RABEP1: variants seen among roughly 807,000 people sequenced by gnomAD.
RABEP1 encodes the protein rabaptin, RAB GTPase binding effector protein 1.
A neutral mutation model predicts 123.4 loss-of-function variants in RABEP1; 51 were observed. That is an observed-to-expected ratio of 0.41 (90% CI 0.33 to 0.52). The LOEUF is 0.52. Among genes scored for constraint, RABEP1 ranks in the 20% least tolerant of loss-of-function variants. RABEP1 has a pLI of 0.16. For missense variants in RABEP1, 888 were observed against 996.3 expected, an observed-to-expected ratio of 0.89 and a Z score of 1.46; for synonymous variants, 347 against 355.2, an observed-to-expected ratio of 0.98 and a Z score of 0.26.
intron 13 of RABEP1, among the ~76,000 whole-genome samples, chr17:5,373,728 A>G (rs984112484): frequency 1.3e-5 from 2 of 148,670 alleles, no homozygotes; most frequent in African/African-American, 5.1e-5. Flanking sequence ...ACACACACAC[A>G]CACACACACG....
At chr17:5,373,978 G>C (rs1325411488) in intron 13 of RABEP1, among the ~76,000 whole-genome samples, 1 of 151,946 alleles carries the variant, frequency 6.6e-6, no homozygotes, top group South Asian at 2.1e-4. Context: ...TGTTTGAAGG[G>C]GTTACCATGC....
Position 5,286,369 on chromosome 17 carries a change from C to T in RABEP1, c.34+3849C>T, listed in dbSNP as rs571211931. ...GTTAGCCGGGTGTGGTGGTGCGCAC[C>T]TGTAGTCCCAGCTACTCAGGAGGCT... On this transcript the variant is annotated intron_variant, in intron 1 of 17. Transcript: ENST00000537505. Among the ~76,000 whole-genome samples, 3 of 152,106 alleles carry T rather than the reference C, an allele frequency of 2.0e-5. No homozygotes were observed. In the East Asian group the frequency reaches 5.8e-4, roughly 29 times the overall value.
intron 17 of RABEP1, among the ~76,000 whole-genome samples, chr17:5,382,229 A>T (rs962120857): frequency 6.6e-6 from 1 of 151,344 alleles, no homozygotes; most frequent in Admixed American, 6.6e-5. Context: ...TTACAAGTAC[A>T]CACCACCAAG....
chr17:5,335,392 A>G (rs1269303403), intron 4 of RABEP1, 48 bp downstream of exon 4: 1 of 1,475,056 alleles, frequency 6.8e-7, no homozygotes, highest in African/African-American at 1.4e-5. Flanking sequence ...TTCAAATGCA[A>G]AATGCTTTAA....
At position 5,302,072 on chromosome 17, in the gene RABEP1, G is replaced by T. The variant is rs182607864; in HGVS notation, c.35-6622G>T. 3.9e-3 allele frequency among the ~76,000 whole-genome samples: 600 copies of T among 152,166 alleles called. 2 individuals are homozygous for T. The highest frequency in any genetic ancestry group is 6.0e-3 in the Non-Finnish European group (405 of 68,014). ...TTATGTGGAACTTTGACTAAGTTTA[G>T]TTTGAAGGGTGAGCAACTTGGATAA... On this transcript the variant is annotated intron_variant, in intron 1 of 17. Transcript: ENST00000537505.
At chr17:5,290,368 G>A (rs1370332984) in intron 1 of RABEP1, among the ~76,000 whole-genome samples, 1 of 152,174 alleles carries the variant, frequency 6.6e-6, no homozygotes, top group African/African-American at 2.4e-5. Context: ...GATTACAGGC[G>A]TGAGCCACCG....
chr17:5,316,955 C>T (rs780754615), intron 2 of RABEP1, among the ~76,000 whole-genome samples: 7 of 151,676 alleles, frequency 4.6e-5, no homozygotes, highest in Non-Finnish European at 5.9e-5. Flanking sequence ...CCCAGGCTGG[C>T]GTGCTGTGGC....
chr17:5,369,945 C>T lies in RABEP1; in HGVS notation c.1884+1477C>T, dbSNP rs143134659. On this transcript the variant is annotated intron_variant, in intron 12 of 17. Transcript: ENST00000537505. Reference sequence around the variant, plus strand: ...GAACTCCTACCTCAGGTGATCCACCCGCGTTGGCCTCCCAAAGTGCTGGGA... The same window carrying T: ...GAACTCCTACCTCAGGTGATCCACCTGCGTTGGCCTCCCAAAGTGCTGGGA... Among the ~76,000 whole-genome samples the T allele has an allele frequency of 3.8e-4, 58 of 152,230 alleles. No homozygotes were observed. In the East Asian group the frequency reaches 8.7e-3, roughly 23 times the overall value.
At chr17:5,344,771 C>CAAA (rs1177790100) in intron 5 of RABEP1, among the ~76,000 whole-genome samples, 1,061 of 46,122 alleles carry the variant, frequency 0.023, 26 homozygotes, top group African/African-American at 0.052. Flanking sequence ...GACACTGTCT[C>CAAA]AAAAAAAAAA....
intron 2 of RABEP1, among the ~76,000 whole-genome samples, chr17:5,329,324 GT>G (rs1906291307): frequency 1.3e-5 from 2 of 152,086 alleles, no homozygotes; most frequent in African/African-American, 4.8e-5. Context: ...GAGGTCAGGA[GT>G]TCAAGACAAG....
At chr17:5,350,721 T>A in intron 7 of RABEP1, 92 bp downstream of exon 7, 1 of 1,363,174 alleles carries the variant, frequency 7.3e-7, no homozygotes, top group Non-Finnish European at 1.0e-6. Flanking sequence ...GAGACTGACT[T>A]AAGCTGCAAC....
chr17:5,325,904 C>T (rs1249396093), intron 2 of RABEP1, among the ~76,000 whole-genome samples: 1 of 152,116 alleles, frequency 6.6e-6, no homozygotes, highest in East Asian at 1.9e-4. Context: ...GACCCAAACA[C>T]CTCACTAAAG....
intron 8 of RABEP1, among the ~76,000 whole-genome samples, chr17:5,355,365 C>T (rs1597379610): frequency 1.3e-5 from 2 of 152,176 alleles, no homozygotes; most frequent in South Asian, 2.1e-4. Context: ...TCTTTCAAAG[C>T]TCATCTTGTT....
intron 1 of RABEP1, among the ~76,000 whole-genome samples, chr17:5,299,587 G>GAACTCC (rs1555621883): frequency 6.6e-6 from 1 of 150,888 alleles, no homozygotes; most frequent in African/African-American, 2.4e-5. Context: ...ACGTGGTTCT[G>GAACTCC]AATTCATTTT....
chr17:5,365,498 G>C lies in RABEP1; in HGVS notation c.1785+260G>C, dbSNP rs191686465. On this transcript the variant is annotated intron_variant, in intron 11 of 17. Coordinates refer to ENST00000537505, the MANE Select transcript of RABEP1 (RefSeq NM_004703.6). Reference sequence around the variant, plus strand: ...TTATTTGTATTAGTTAGGTTTTCCTGCTGCACTGGAAACTTGCTGACAAAG... The same window carrying C: ...TTATTTGTATTAGTTAGGTTTTCCTCCTGCACTGGAAACTTGCTGACAAAG... 3.7e-4 allele frequency among the ~76,000 whole-genome samples: 57 copies of C among 152,008 alleles called. No individual in the cohort carries two copies. The East Asian group carries it at 6.0e-3, about 16-fold the overall frequency.
chr17:5,285,597 A>G (rs904166274), intron 1 of RABEP1, among the ~76,000 whole-genome samples: 2 of 152,180 alleles, frequency 1.3e-5, no homozygotes, highest in African/African-American at 2.4e-5. Context: ...CATATTATAT[A>G]CTCATGGTTA....
intron 2 of RABEP1, among the ~76,000 whole-genome samples, chr17:5,330,856 C>T (rs1386050886): frequency 6.6e-6 from 1 of 151,876 alleles, no homozygotes; most frequent in East Asian, 1.9e-4. Context: ...AACTTTGTCT[C>T]TACAAGAAAT....
chr17:5,282,549 G>C, intron 1 of RABEP1, 29 bp downstream of exon 1: 1 of 1,173,754 alleles, frequency 8.5e-7, no homozygotes, highest in Non-Finnish European at 1.1e-6. Flanking sequence ...CAGGCGCGGC[G>C]GGCGCGGCCT....
chr17:5,372,728 T>G (rs185929097), intron 12 of RABEP1, among the ~76,000 whole-genome samples: 14 of 152,202 alleles, frequency 9.2e-5, no homozygotes, highest in Admixed American at 7.2e-4. Flanking sequence ...CTGGTCCTTC[T>G]GTAGTACAGG....
Sources: allele counts gnomAD v4.1 joint callset (sites outside exome capture counted in the v4.1 genomes callset), GRCh38; gene constraint gnomAD v4.1.1; transcripts MANE v1.5; gene names NCBI Gene and HGNC (gene_info 2026-07-23, HGNC 2026-07-21).